The following FBXO4 variants were observed in gnomAD, a reference collection of about 807,000 sequenced individuals.
The protein encoded by FBXO4 is F-box protein 4, also known as F-box only protein 4.
Under a neutral mutation model 43.7 loss-of-function variants are expected in FBXO4, and 36 were observed. The observed-to-expected ratio is 0.82, with a 90% confidence interval of 0.63 to 1.09. The LOEUF (loss-of-function observed/expected upper bound fraction) is 1.09, where lower values mean the gene tolerates loss of function less well. Ranked by LOEUF, FBXO4 falls within the 50% of genes least tolerant of loss-of-function variation. The pLI is 0.00. For synonymous variants in FBXO4, 180 were observed against 165.6 expected (o/e 1.09, Z -0.67); for missense variants, 435 against 474.1 (o/e 0.92, Z 0.77).
chr5:41,994,442 A>G, the FBXO4 span, among the ~76,000 whole-genome samples: 8 of 152,156 alleles, frequency 5.3e-5, no homozygotes, highest in African/African-American at 1.7e-4. Context: ...CCCATTCTGT[A>G]TTCCCTTTGC....
chr5:41,975,847 T>G, the FBXO4 span, among the ~76,000 whole-genome samples: 1 of 152,142 alleles, frequency 6.6e-6, no homozygotes, highest in African/African-American at 2.4e-5. Context: ...TCTGGGTAAT[T>G]TATAAAGAAA....
the FBXO4 span, among the ~76,000 whole-genome samples, chr5:41,964,957 C>T: frequency 3.3e-5 from 5 of 152,036 alleles, no homozygotes; most frequent in African/African-American, 7.2e-5. Flanking sequence ...AAGTCCTTGC[C>T]CATGCCTATG....
At chr5:41,999,134 GGT>G in the FBXO4 span, among the ~76,000 whole-genome samples, 1 of 151,674 alleles carries the variant, frequency 6.6e-6, no homozygotes, top group African/African-American at 2.4e-5. Flanking sequence ...TCTCACAGGT[GGT>G]GAATCAAGAG....
chr5:41,983,140 A>G, the FBXO4 span, among the ~76,000 whole-genome samples: 1 of 152,080 alleles, frequency 6.6e-6, no homozygotes, highest in Non-Finnish European at 1.5e-5. Context: ...TGGGTTGGTT[A>G]CAAGTCTTTG....
chr5:41,969,958 T>G, the FBXO4 span, among the ~76,000 whole-genome samples: 1 of 151,612 alleles, frequency 6.6e-6, no homozygotes, highest in Non-Finnish European at 1.5e-5. Context: ...TAGCTGAGAA[T>G]CAATAAAGGC....
chr5:42,036,701 GGCGAGAT>G, the FBXO4 span, among the ~76,000 whole-genome samples: 1 of 152,074 alleles, frequency 6.6e-6, no homozygotes. Flanking sequence ...GAGGATAAGT[GGCGAGAT>G]GCTGGACTGG....
At chr5:41,999,561 A>G in the FBXO4 span, among the ~76,000 whole-genome samples, 323 of 129,362 alleles carry the variant, frequency 2.5e-3, 2 homozygotes, top group African/African-American at 8.8e-3. Context: ...ATATATATAT[A>G]TGTATATATA....
At chr5:41,951,984 T>C in the FBXO4 span, 1 of 325,594 alleles carries the variant, frequency 3.1e-6, no homozygotes, top group South Asian at 3.4e-5. Flanking sequence ...ATCAGCAGGG[T>C]TTCCAATCAC....
the FBXO4 span, among the ~76,000 whole-genome samples, chr5:42,027,428 T>C: frequency 6.6e-6 from 1 of 151,832 alleles, no homozygotes; most frequent in Admixed American, 6.6e-5. Context: ...ATTTAGATCT[T>C]CTCTTTTTTC....
At chr5:42,024,531 C>T in the FBXO4 span, among the ~76,000 whole-genome samples, 5 of 151,988 alleles carry the variant, frequency 3.3e-5, no homozygotes, top group East Asian at 7.7e-4. Context: ...TATCCATCCC[C>T]TCAAGCATTT....
the FBXO4 span, among the ~76,000 whole-genome samples, chr5:42,023,015 A>G: frequency 1.3e-5 from 2 of 152,102 alleles, no homozygotes; most frequent in African/African-American, 4.8e-5. Context: ...AACAATGCCA[A>G]TATCAAATAT....
the FBXO4 span, among the ~76,000 whole-genome samples, chr5:41,954,408 A>C: frequency 6.6e-6 from 1 of 152,168 alleles, no homozygotes; most frequent in Non-Finnish European, 1.5e-5. Context: ...TTTCTACTTC[A>C]TTGTTATGCA....
the FBXO4 span, chr5:41,967,836 A>G: frequency 1.7e-5 from 10 of 594,544 alleles, no homozygotes; most frequent in East Asian, 3.5e-4. Context: ...TATTCAATTT[A>G]TTGATTAAAT....
At chr5:41,934,506 T>C in intron 5 of FBXO4, 198 bp downstream of exon 5, 2 of 1,399,706 alleles carry the variant, frequency 1.4e-6, no homozygotes, top group Non-Finnish European at 1.9e-6. Context: ...TTAAACATGT[T>C]AACAAGCTGA....
the FBXO4 span, among the ~76,000 whole-genome samples, chr5:42,031,612 T>C: frequency 3.2e-3 from 483 of 151,972 alleles, 2 homozygotes; most frequent in African/African-American, 0.011. Context: ...AGTATAATAA[T>C]AATAAAATTA....
chr5:41,978,211 A>G, the FBXO4 span, among the ~76,000 whole-genome samples: 1 of 152,174 alleles, frequency 6.6e-6, no homozygotes, highest in African/African-American at 2.4e-5. Context: ...TAAGAGCAAG[A>G]GCTCACTCAT....
chr5:41,967,796 G>A, the FBXO4 span: 3 of 613,154 alleles, frequency 4.9e-6, no homozygotes, highest in Non-Finnish European at 9.6e-6. Flanking sequence ...AGAGGCAGGT[G>A]GAGAAGGAGG....
the FBXO4 span, among the ~76,000 whole-genome samples, chr5:42,024,705 C>G: frequency 2.6e-5 from 4 of 152,048 alleles, no homozygotes; most frequent in Non-Finnish European, 5.9e-5. Flanking sequence ...CACCCACTCA[C>G]TCCTGTTCCT....
At chr5:41,944,918 A>T (rs1042819969), downstream of FBXO4, among the ~76,000 whole-genome samples, 1 of 152,230 alleles carries the variant, frequency 6.6e-6, no homozygotes, top group African/African-American at 2.4e-5. Flanking sequence ...CCAATTAGCA[A>T]AGTTTCTATC....
Sources: gnomAD v4.1 joint callset for allele counts (sites outside exome capture counted in the v4.1 genomes callset) on GRCh38, gnomAD v4.1.1 for gene constraint, MANE v1.5 for transcripts, NCBI Gene and HGNC (gene_info 2026-07-23, HGNC 2026-07-21) for gene names.